Variants in ADGRD1 observed in about 807,000 individuals in gnomAD.
ADGRD1 encodes the protein G-protein coupled receptor 133.
A neutral mutation model predicts 113.4 loss-of-function variants in ADGRD1; 77 were observed. That is an observed-to-expected ratio of 0.68 (90% CI 0.57 to 0.82). The LOEUF (loss-of-function observed/expected upper bound fraction) is 0.82. Ranked by LOEUF, ADGRD1 falls within the 40% of genes least tolerant of loss-of-function variation. ADGRD1 has a pLI of 0.00. For synonymous variants in ADGRD1, 474 were observed against 475.0 expected (o/e 1.00, Z 0.03); for missense variants, 1,036 against 1,139.1 (o/e 0.91, Z 1.30).
At chr12:130,985,013 C>A (rs1390819346) in intron 5 of ADGRD1, among the ~76,000 whole-genome samples, 1 of 151,916 alleles carries the variant, frequency 6.6e-6, no homozygotes, top group Admixed American at 6.6e-5. Context: ...CAGCTTACTG[C>A]AGCGTTTAAC....
Position 131,030,110 on chromosome 12 carries a change from G to C in ADGRD1, c.1473+15770G>C, listed in dbSNP as rs574007696. ...TGACATTCCCAGGCTCTGGGGTTAG[G>C]TTGTGGACCCTTCATACGGTGACAT... On this transcript the variant is annotated intron_variant, in intron 13 of 24. Transcript: ENST00000261654. 2.7e-5 allele frequency among the ~76,000 whole-genome samples: 4 copies of C among 150,098 alleles called. No homozygotes were observed. In the East Asian group the frequency reaches 6.0e-4, roughly 22 times the overall value.
intron 24 of ADGRD1, 39 bp downstream of exon 24, chr12:131,138,268 C>T (rs1025211976): frequency 2.9e-5 from 45 of 1,559,042 alleles, no homozygotes; most frequent in East Asian, 1.1e-4. Flanking sequence ...CCCAGCCCAT[C>T]CTCCTTCCCC....
At chr12:131,079,638 A>C (rs2141189) in intron 14 of ADGRD1, among the ~76,000 whole-genome samples, 24,093 of 152,150 alleles carry the variant, frequency 0.16, 2,785 homozygotes, top group African/African-American at 0.33. Context: ...TCAACTACAC[A>C]TTCAGTTTCT....
At chr12:131,045,377 A>T (rs1259605909) in intron 13 of ADGRD1, among the ~76,000 whole-genome samples, 1 of 152,212 alleles carries the variant, frequency 6.6e-6, no homozygotes, top group Admixed American at 6.5e-5. Context: ...TCTGGGCATC[A>T]GCCCCAGGCA....
intron 21 of ADGRD1, among the ~76,000 whole-genome samples, chr12:131,134,753 G>C (rs1951033210): frequency 6.6e-6 from 1 of 152,238 alleles, no homozygotes; most frequent in Admixed American, 6.5e-5. Flanking sequence ...GGAGGTGCCA[G>C]ATCTGTGTGC....
At chr12:131,095,488 C>G (rs1294240826) in intron 15 of ADGRD1, among the ~76,000 whole-genome samples, 1 of 152,228 alleles carries the variant, frequency 6.6e-6, no homozygotes, top group East Asian at 1.9e-4. Flanking sequence ...CTGCAGCAGC[C>G]TCTGGGGTGG....
intron 13 of ADGRD1, 94 bp from the exon 14 acceptor site, chr12:131,076,707 G>C (rs377521142): frequency 1.9e-6 from 2 of 1,046,566 alleles, no homozygotes; most frequent in African/African-American, 1.6e-5. Flanking sequence ...ACCTGAGGTC[G>C]CCCAGCTGTA....
intron 8 of ADGRD1, among the ~76,000 whole-genome samples, chr12:130,999,162 G>T (rs554588320): frequency 6.6e-6 from 1 of 152,148 alleles, no homozygotes; most frequent in Non-Finnish European, 1.5e-5. Flanking sequence ...ATCAAGAGTC[G>T]GCAAACTATG....
intron 15 of ADGRD1, among the ~76,000 whole-genome samples, chr12:131,102,514 G>A (rs922110271): frequency 3.9e-5 from 6 of 152,220 alleles, no homozygotes; most frequent in African/African-American, 1.4e-4. Flanking sequence ...CGGGCCCCCG[G>A]GAGGCCCCTG....
chr12:130,979,817 T>TCTCACACACACA (rs1491498051), intron 4 of ADGRD1, among the ~76,000 whole-genome samples: 12 of 53,936 alleles, frequency 2.2e-4, no homozygotes, highest in Non-Finnish European at 5.8e-4. Flanking sequence ...AGCTAGTGTC[T>TCTCACACACACA]CACACACACA....
rs191720015 is a variant in ADGRD1 at position 131,090,069 on chromosome 12, C to T, written c.1671+5406C>T. Among the ~76,000 whole-genome samples, 11 of 152,282 alleles carry T rather than the reference C, an allele frequency of 7.2e-5. No homozygotes were observed. In the East Asian group the frequency reaches 1.9e-3, roughly 27 times the overall value. On this transcript the variant is annotated intron_variant, in intron 15 of 24. Coordinates refer to ENST00000261654, the MANE Select transcript of ADGRD1 (RefSeq NM_198827.5). ...AGGGCCCAGTCCAGCGAGTAAAAAA[C>T]CTGGGACAGAGACGACTTACGGTCT...
intron 13 of ADGRD1, among the ~76,000 whole-genome samples, chr12:131,042,021 T>C (rs1487649580): frequency 6.6e-6 from 1 of 152,236 alleles, no homozygotes; most frequent in Non-Finnish European, 1.5e-5. Context: ...CCATGTGTCC[T>C]TGGACATTTT....
Position 131,003,379 on chromosome 12 carries a change from C to T in ADGRD1, c.1144+77C>T. The stretch of plus-strand genomic sequence containing the variant: ...CTGCGTTTCACTGCCTGTCTTTTTA[C>T]ACCCTTAGCAGAGAGCCATGCTCTG... On this transcript the variant is annotated intron_variant, in intron 10 of 24. Transcript: ENST00000261654. The surrounding 1 kb of genome is among the most constrained non-coding windows in gnomAD (Gnocchi z 4.8). The T allele has an allele frequency of 1.0e-6, 1 of 982,774 alleles. No individual in the cohort carries two copies. The highest frequency in any genetic ancestry group is 1.3e-5 in the South Asian group (1 of 77,186). 60.9% of individuals were successfully genotyped at this position (982,774 alleles called of 1,614,324 possible). A position where few individuals can be genotyped will look rare whatever the true frequency, so the allele number is the denominator to read the frequency against.
At chr12:130,993,626 A>T (rs933273087) in intron 8 of ADGRD1, among the ~76,000 whole-genome samples, 6 of 152,006 alleles carry the variant, frequency 3.9e-5, no homozygotes, top group Non-Finnish European at 7.4e-5. Flanking sequence ...TGGGAAGGTT[A>T]TTTAACCTCA....
At chr12:130,992,791 G>A (rs913924616) in intron 8 of ADGRD1, among the ~76,000 whole-genome samples, 2 of 152,256 alleles carry the variant, frequency 1.3e-5, no homozygotes, top group African/African-American at 4.8e-5. Flanking sequence ...TGTGCACAGT[G>A]GGAGTCCCCA....
intron 5 of ADGRD1, among the ~76,000 whole-genome samples, chr12:130,983,732 G>A (rs1873294783): frequency 1.3e-5 from 2 of 152,196 alleles, no homozygotes; most frequent in South Asian, 2.1e-4. Context: ...AAAATTATCA[G>A]AAAGTTGCAC....
intron 15 of ADGRD1, among the ~76,000 whole-genome samples, chr12:131,085,183 A>G (rs1886368609): frequency 6.6e-6 from 1 of 152,334 alleles, no homozygotes; most frequent in African/African-American, 2.4e-5. Context: ...ACCTCAGGGA[A>G]CGAGGCTGTG....
At chr12:130,992,529 A>G in intron 8 of ADGRD1, 137 bp downstream of exon 8, 1 of 760,524 alleles carries the variant, frequency 1.3e-6, no homozygotes, top group Non-Finnish European at 2.1e-6. Flanking sequence ...CAGGCTTCTC[A>G]TGAACAACCA....
In ADGRD1 at chr12:131,046,200, G is replaced by GTC. The variant is rs146292901; in HGVS notation, c.1474-30601_1474-30600insTC. Among the ~76,000 whole-genome samples the GTC allele has an allele frequency of 1.7e-3, 115 of 66,152 alleles. 2 individuals are homozygous for GTC. Among genetic ancestry groups the GTC allele is most frequent in the African/African-American group, 2.0e-3 (38 of 19,274 alleles). The allele number at this position is 66,152 out of a possible 152,430, so 43.4% of individuals were successfully genotyped here. ...GGTCAATGCTCCCTCCCTGGTCAGT[G>GTC]CTCCCTCCCTGGTCAGTGTCCTCCC... On this transcript the variant is annotated intron_variant, in intron 13 of 24. Coordinates refer to ENST00000261654, the MANE Select transcript of ADGRD1 (RefSeq NM_198827.5).
Sources: gnomAD v4.1 joint callset for allele counts (sites outside exome capture counted in the v4.1 genomes callset) on GRCh38, gnomAD v4.1.1 for gene constraint, Gnocchi (gnomAD v3.1) non-coding constraint, MANE v1.5 for transcripts, NCBI Gene and HGNC (gene_info 2026-07-23, HGNC 2026-07-21) for gene names.